The following NDUFAF1 variants were observed in gnomAD, a reference collection of about 807,000 sequenced individuals.
NDUFAF1 encodes NADH:ubiquinone oxidoreductase complex assembly factor 1.
NDUFAF1 carries 18 observed loss-of-function variants against 28.7 expected under a neutral mutation model. That is an observed-to-expected ratio of 0.63 (90% CI 0.43 to 0.93). The LOEUF (loss-of-function observed/expected upper bound fraction) is 0.93, where lower values mean the gene tolerates loss of function less well. NDUFAF1 is among the 40% of genes least tolerant of loss of function. The probability of loss-of-function intolerance (pLI) is 0.00; values close to 1 mark genes in which losing one functional copy is unlikely to be tolerated. For synonymous variants in NDUFAF1, 113 were observed against 139.7 expected (o/e 0.81, Z 1.35); for missense variants, 404 against 398.3 (o/e 1.01, Z -0.12).
intron 1 of NDUFAF1, among the ~76,000 whole-genome samples, chr15:41,398,757 C>T (rs946840086): frequency 1.3e-5 from 2 of 151,904 alleles, no homozygotes; most frequent in Non-Finnish European, 2.9e-5. Flanking sequence ...GAGTTCAAGA[C>T]CAGCCTGGCC....
chr15:41,396,337 T>C (rs2050386086), intron 2 of NDUFAF1, 150 bp downstream of exon 2: 2 of 737,864 alleles, frequency 2.7e-6, no homozygotes, highest in Non-Finnish European at 4.4e-6. Context: ...CTTGTGCCAA[T>C]AGTTACTTAT....
chr15:41,398,023 C>CAAA (rs1217218175), intron 1 of NDUFAF1, among the ~76,000 whole-genome samples: 34 of 56,680 alleles, frequency 6.0e-4, no homozygotes, highest in African/African-American at 1.5e-3. Flanking sequence ...GACTCTGTCT[C>CAAA]AAAAAAAAAA....
At chr15:41,393,187 C>T (rs1169290746) in intron 3 of NDUFAF1, among the ~76,000 whole-genome samples, 10 of 147,916 alleles carry the variant, frequency 6.8e-5, no homozygotes, top group Middle Eastern at 3.5e-3. Context: ...TGCAGTGGCA[C>T]GGTCTCAGCT....
upstream of NDUFAF1, among the ~76,000 whole-genome samples, chr15:41,402,879 G>A (rs1186717546): frequency 1.3e-5 from 2 of 151,488 alleles, no homozygotes; most frequent in Non-Finnish European, 2.9e-5. Context: ...TTACAGGTGC[G>A]CGCCATCATG....
rs1191661379 is a variant in NDUFAF1 at position 41,394,998 on chromosome 15, G to C, written c.620C>G (p.Thr207Ser). 1 of 1,614,134 alleles carries C rather than the reference G, an allele frequency of 6.2e-7. No individual in the cohort carries two copies. The highest frequency in any genetic ancestry group is 1.1e-5 in the South Asian group (1 of 91,084). Reference protein sequence around the residue: ...KMSYDWSQFNTLYLRVRGDGR... With the variant: ...KMSYDWSQFNSLYLRVRGDGR... ...ATCCCCACGTACACGGAGATACAGAGTATTGAACTGGGACCAATCGTAAGA... is the reference window on the plus strand; with the variant it reads ...ATCCCCACGTACACGGAGATACAGACTATTGAACTGGGACCAATCGTAAGA... The change falls in exon 3 of 5, where the codon ACT (threonine) becomes AGT (serine). Residue 207 changes from threonine (T) to serine (S), a missense_variant. Physicochemically the swap from Thr to Ser is moderately conservative, Grantham distance 58. Coordinates refer to ENST00000260361, the MANE Select transcript of NDUFAF1 (RefSeq NM_016013.4).
chr15:41,399,387 C>T (rs1018723443), intron 1 of NDUFAF1, among the ~76,000 whole-genome samples: 4 of 148,738 alleles, frequency 2.7e-5, no homozygotes, highest in Non-Finnish European at 6.0e-5. Flanking sequence ...CAGAGTGACT[C>T]CAACTAAAAA....
intron 1 of NDUFAF1, among the ~76,000 whole-genome samples, chr15:41,400,032 C>T (rs138695163): frequency 0.011 from 1,699 of 151,778 alleles, 38 homozygotes; most frequent in African/African-American, 0.04. Context: ...TGCACTCCAG[C>T]TTGGGCAACA....
rs1309689541 is a variant in NDUFAF1 at position 41,396,747 on chromosome 15, A to G, written c.313T>C (p.Trp105Arg). 1 of 1,614,068 alleles carries G rather than the reference A, an allele frequency of 6.2e-7. No homozygotes were observed. The highest frequency in any genetic ancestry group is 8.5e-7 in the Non-Finnish European group (1 of 1,180,048). The change falls in exon 2 of 5, where the codon TGG (tryptophan) becomes CGG (arginine). Residue 105 changes from tryptophan to arginine, a missense_variant. By Grantham distance (101) the Trp-to-Arg change is moderately radical. Transcript: ENST00000260361. ...AGAGGGTGGCCTTCCGGTCCTCTCC[A>G]ATGATCCACAATTTCATCCTTCAAA... ...RLLKDEIVDH[W>R]RGPEGHPLHE...
At chr15:41,394,387 TA>T in intron 3 of NDUFAF1, 2 of 1,288,888 alleles carry the variant, frequency 1.6e-6, no homozygotes, top group Non-Finnish European at 2.0e-6. Context: ...CAGAAACTTC[TA>T]AAAAACAAAC....
Position 41,394,091 on chromosome 15 carries a change from C to T in NDUFAF1, c.759+768G>A, listed in dbSNP as rs571295142. The T allele has an allele frequency of 9.1e-4, 260 of 286,070 alleles. 2 individuals are homozygous for T. Among genetic ancestry groups the T allele is most frequent in the South Asian group, 1.5e-3 (56 of 36,902 alleles). The allele number at this position is 286,070 out of a possible 1,614,324, so 17.7% of individuals were successfully genotyped here. Reference sequence around the variant, plus strand: ...TTGCCCAGGCTGGAGTGCAATGACACGATCTCGGCTCACCGAAACCTCCGC... The same window carrying T: ...TTGCCCAGGCTGGAGTGCAATGACATGATCTCGGCTCACCGAAACCTCCGC... On this transcript the variant is annotated intron_variant, in intron 3 of 4. Coordinates refer to ENST00000260361, the MANE Select transcript of NDUFAF1 (RefSeq NM_016013.4).
chr15:41,388,711 AT>A (rs2050281081), intron 3 of NDUFAF1, among the ~76,000 whole-genome samples, 189 bp from the exon 4 acceptor site: 1 of 152,004 alleles, frequency 6.6e-6, no homozygotes, highest in Non-Finnish European at 1.5e-5. Flanking sequence ...TATGAAAAAA[AT>A]ATTTGTAACA....
At chr15:41,389,126 A>T (rs1353159875) in intron 3 of NDUFAF1, among the ~76,000 whole-genome samples, 2 of 152,024 alleles carry the variant, frequency 1.3e-5, no homozygotes, top group African/African-American at 4.8e-5. Context: ...TCTGTTACCC[A>T]GGCTGGAGTG....
chr15:41,399,538 C>G (rs1236603029), intron 1 of NDUFAF1, among the ~76,000 whole-genome samples: 2 of 149,936 alleles, frequency 1.3e-5, no homozygotes, highest in African/African-American at 4.9e-5. Context: ...GCCTGGGCAA[C>G]AAAAGTGAAA....
intron 1 of NDUFAF1, among the ~76,000 whole-genome samples, chr15:41,399,377 CAG>C (rs2050431513): frequency 6.7e-6 from 1 of 149,984 alleles, no homozygotes; most frequent in South Asian, 2.1e-4. Context: ...GCCTGGGCGA[CAG>C]AGTGACTCCA....
At chr15:41,393,691 C>T (rs1405026960) in intron 3 of NDUFAF1, among the ~76,000 whole-genome samples, 2 of 151,724 alleles carry the variant, frequency 1.3e-5, no homozygotes, top group African/African-American at 4.9e-5. Context: ...AGCGATTCTC[C>T]TGCCTCAGCC....
At chr15:41,400,385 AAAAT>A (rs1227919470) in intron 1 of NDUFAF1, among the ~76,000 whole-genome samples, 2 of 151,664 alleles carry the variant, frequency 1.3e-5, no homozygotes, top group African/African-American at 4.8e-5. Flanking sequence ...AAAAAAAAAA[AAAAT>A]AGAGATGAGG....
At chr15:41,390,725 A>C (rs2050306649) in intron 3 of NDUFAF1, among the ~76,000 whole-genome samples, 1 of 123,944 alleles carries the variant, frequency 8.1e-6, no homozygotes, top group South Asian at 2.6e-4. Flanking sequence ...ACTCTGTCTC[A>C]AAAAAAAAAA....
intron 3 of NDUFAF1, 38 bp downstream of exon 3, chr15:41,394,821 A>G (rs1335516684): frequency 6.2e-7 from 1 of 1,607,546 alleles, no homozygotes; most frequent in Non-Finnish European, 8.5e-7. Context: ...CCCAGCCAAG[A>G]CCTCATTTTT....
rs778681144 is a variant in NDUFAF1 at position 41,387,557 on chromosome 15, C to G, written c.871G>C (p.Asp291His). 1 of 1,611,536 alleles carries G rather than the reference C, an allele frequency of 6.2e-7. No individual in the cohort carries two copies. The highest frequency in any genetic ancestry group is 8.5e-7 in the Non-Finnish European group (1 of 1,177,724). ...SIGFTLADKV[D>H]GPFFLEIDFI... is the part of the protein sequence containing the mutation. ...TCTATCTCCAGGAAGAATGGACCATCCACTTTATCAGCCAAGGTGAATCCT... is the reference window on the plus strand; with the variant it reads ...TCTATCTCCAGGAAGAATGGACCATGCACTTTATCAGCCAAGGTGAATCCT... The change falls in exon 5 of 5, where the codon GAT (aspartate) becomes CAT (histidine). Residue 291 changes from aspartate (D) to histidine (H), a missense_variant. Transcript: ENST00000260361.
Sources: allele counts gnomAD v4.1 joint callset (sites outside exome capture counted in the v4.1 genomes callset), GRCh38; gene constraint gnomAD v4.1.1; transcripts MANE v1.5; gene names NCBI Gene and HGNC (gene_info 2026-07-23, HGNC 2026-07-21).